CNTN5: variants seen among roughly 807,000 people sequenced by gnomAD.
CNTN5 encodes contactin 5.
A neutral mutation model predicts 129.1 loss-of-function variants in CNTN5; 77 were observed. That is an observed-to-expected ratio of 0.60 (90% CI 0.50 to 0.72). The LOEUF is 0.72. Among genes scored for constraint, CNTN5 ranks in the 30% least tolerant of loss-of-function variants. The probability of loss-of-function intolerance (pLI) is 0.00; values close to 1 mark genes in which losing one functional copy is unlikely to be tolerated. For missense variants in CNTN5, 1,478 were observed against 1,328.8 expected (o/e 1.11, Z -1.75); for synonymous variants, 509 against 465.6 (o/e 1.09, Z -1.20).
intron 3 of CNTN5, among the ~76,000 whole-genome samples, chr11:99,808,163 T>G (rs568361098): frequency 1.3e-5 from 2 of 152,326 alleles, no homozygotes; most frequent in Non-Finnish European, 2.9e-5. Context: ...GAAACAGCAG[T>G]TCCACAGCTG....
Position 99,934,872 on chromosome 11 carries a change from C to CTGTGTG in CNTN5, c.673+18745_673+18750dup, listed in dbSNP as rs369560126. 1.8e-3 allele frequency among the ~76,000 whole-genome samples: 89 copies of CTGTGTG among 49,986 alleles called. 1 individual carries two copies. The highest frequency in any genetic ancestry group is 2.6e-3 in the Admixed American group (10 of 3,832). 32.8% of individuals were successfully genotyped at this position (49,986 alleles called of 152,430 possible). Reference sequence around the variant, plus strand: ...CCTGGGCAACAGAGTGAGACTCAGTCTGTGTGTGTGTGTGTGTGTGTGTGT... The same window carrying CTGTGTG: ...CCTGGGCAACAGAGTGAGACTCAGTCTGTGTGTGTGTGTGTGTGTGTGTGTGTGTGT... On this transcript the variant is annotated intron_variant, in intron 7 of 24. Coordinates refer to ENST00000524871, the MANE Select transcript of CNTN5 (RefSeq NM_014361.4).
chr11:100,271,015 G>A, intron 17 of CNTN5, 77 bp from the exon 18 acceptor site: 1 of 1,168,096 alleles, frequency 8.6e-7, no homozygotes. Flanking sequence ...TCTGTCAGTA[G>A]CATTAATATT....
At chr11:99,354,376 C>T (rs188295594) in intron 2 of CNTN5, among the ~76,000 whole-genome samples, 4 of 152,152 alleles carry the variant, frequency 2.6e-5, no homozygotes, top group East Asian at 1.9e-4. Context: ...TAAGAGTTCC[C>T]GGGACCTTGT....
intron 3 of CNTN5, among the ~76,000 whole-genome samples, chr11:99,813,542 G>A (rs1215700763): frequency 6.6e-6 from 1 of 152,070 alleles, no homozygotes; most frequent in Non-Finnish European, 1.5e-5. Context: ...AAGAGCATAG[G>A]AAAATATTGG....
chr11:99,323,052 G>T (rs1353634617), intron 1 of CNTN5, among the ~76,000 whole-genome samples: 3 of 152,124 alleles, frequency 2.0e-5, no homozygotes, highest in African/African-American at 4.8e-5. Context: ...AAAAATATAG[G>T]TTGGCAAAGG....
intron 3 of CNTN5, among the ~76,000 whole-genome samples, chr11:99,706,771 C>A (rs368564292): frequency 6.7e-6 from 1 of 150,164 alleles, no homozygotes; most frequent in Non-Finnish European, 1.5e-5. Context: ...CTTAACTGAC[C>A]TTTTTAATGA....
At chr11:99,307,496 A>G (rs915683377) in intron 1 of CNTN5, among the ~76,000 whole-genome samples, 34 of 151,538 alleles carry the variant, frequency 2.2e-4, no homozygotes, top group African/African-American at 8.0e-4. Context: ...TCTAACTATA[A>G]TATCTTGGAT....
chr11:100,070,022 T>C (rs1403934423), intron 10 of CNTN5, among the ~76,000 whole-genome samples: 1 of 152,068 alleles, frequency 6.6e-6, no homozygotes, highest in Non-Finnish European at 1.5e-5. Flanking sequence ...CACAGAGAGA[T>C]AGAAACAAGT....
chr11:99,340,771 A>T (rs1393448158), intron 2 of CNTN5, among the ~76,000 whole-genome samples: 4 of 152,238 alleles, frequency 2.6e-5, no homozygotes, highest in Non-Finnish European at 5.9e-5. Context: ...AAATAATTCT[A>T]TAAAATAATT....
intron 3 of CNTN5, among the ~76,000 whole-genome samples, chr11:99,571,085 G>A (rs968788431): frequency 6.6e-6 from 1 of 152,158 alleles, no homozygotes; most frequent in Non-Finnish European, 1.5e-5. Context: ...CCAGAGCAGA[G>A]GAGAGGTATA....
At chr11:99,964,185 T>G (rs966659165) in intron 8 of CNTN5, among the ~76,000 whole-genome samples, 1 of 152,192 alleles carries the variant, frequency 6.6e-6, no homozygotes, top group Non-Finnish European at 1.5e-5. Flanking sequence ...TGGCCAGAAC[T>G]TCCAACACTA....
At chr11:99,831,614 C>CTT (rs140240463) in intron 4 of CNTN5, among the ~76,000 whole-genome samples, 3 of 148,856 alleles carry the variant, frequency 2.0e-5, no homozygotes, top group African/African-American at 4.9e-5. Context: ...GTGACCATAA[C>CTT]TTTTTTTTTT....
At chr11:100,114,194 T>C (rs1368713317) in intron 13 of CNTN5, among the ~76,000 whole-genome samples, 1 of 152,132 alleles carries the variant, frequency 6.6e-6, no homozygotes, top group Non-Finnish European at 1.5e-5. Flanking sequence ...CAGTGTTATC[T>C]TTGTGAGACA....
At chr11:99,870,607 A>G (rs1948478948) in intron 6 of CNTN5, among the ~76,000 whole-genome samples, 1 of 152,178 alleles carries the variant, frequency 6.6e-6, no homozygotes, top group South Asian at 2.1e-4. Context: ...ACATTCTACC[A>G]TCAATGGTAG....
intron 7 of CNTN5, among the ~76,000 whole-genome samples, chr11:99,919,783 G>C (rs1355160709): frequency 6.7e-6 from 1 of 149,730 alleles, no homozygotes; most frequent in Non-Finnish European, 1.5e-5. Flanking sequence ...TGTCTCTATA[G>C]TTTTGACTTT....
chr11:100,014,954 G>A (rs562296202), intron 9 of CNTN5, among the ~76,000 whole-genome samples: 3 of 152,044 alleles, frequency 2.0e-5, no homozygotes, highest in East Asian at 1.9e-4. Flanking sequence ...TTATCACTAC[G>A]GGTGACCATT....
intron 2 of CNTN5, among the ~76,000 whole-genome samples, chr11:99,519,109 C>T (rs572490340): frequency 5.8e-4 from 88 of 152,172 alleles, no homozygotes; most frequent in African/African-American, 2.1e-3. Flanking sequence ...TCACTAGGCT[C>T]TGCCTAATCA....
chr11:99,144,309 A>C (rs1346528859), intron 1 of CNTN5, among the ~76,000 whole-genome samples: 1 of 152,224 alleles, frequency 6.6e-6, no homozygotes, highest in East Asian at 1.9e-4. Context: ...TAACATAAGA[A>C]GTGGGACTGT....
At chr11:100,035,337 A>AT (rs1358081977) in intron 9 of CNTN5, among the ~76,000 whole-genome samples, 1 of 146,228 alleles carries the variant, frequency 6.8e-6, no homozygotes, top group African/African-American at 2.7e-5. Flanking sequence ...TCCATGATGT[A>AT]TATGTGCCAC....
Sources: allele counts gnomAD v4.1 joint callset (sites outside exome capture counted in the v4.1 genomes callset), GRCh38; gene constraint gnomAD v4.1.1; transcripts MANE v1.5; gene names NCBI Gene and HGNC (gene_info 2026-07-23, HGNC 2026-07-21).